GPR176: variants seen among roughly 807,000 people sequenced by gnomAD.
GPR176 encodes G-protein coupled receptor 176.
In GPR176, 26 loss-of-function variants were observed where a neutral mutation model predicts 35.4. The ratio of observed to expected loss-of-function variants is 0.74; its 90% CI spans 0.54 to 1.02. The LOEUF (loss-of-function observed/expected upper bound fraction) is 1.02. GPR176 is among the 50% of genes least tolerant of loss of function. GPR176 has a pLI of 0.00. For missense variants in GPR176, 597 were observed against 665.3 expected, an observed-to-expected ratio of 0.90 and a Z score of 1.13; for synonymous variants, 278 against 271.3, an observed-to-expected ratio of 1.02 and a Z score of -0.24.
intron 1 of GPR176, chr15:39,829,100 A>C (rs1900886286): frequency 7.3e-6 from 9 of 1,233,104 alleles, no homozygotes; most frequent in Non-Finnish European, 1.0e-5. Context: ...TAGAAATAAG[A>C]AGCAGTGGAG....
chr15:39,867,279 C>T lies in GPR176; in HGVS notation c.172+52576G>A, dbSNP rs145866242. On this transcript the variant is annotated intron_variant, in intron 1 of 2. Coordinates refer to ENST00000561100, the MANE Select transcript of GPR176 (RefSeq NM_007223.3). ...GCCAACTGACTCTACCACCATGATG[C>T]TGTGTCCAGTTTAAGGACTCTGCTA... is the stretch of plus-strand genomic sequence containing the variant. Among the ~76,000 whole-genome samples, 1,135 of 152,324 alleles carry T rather than the reference C, an allele frequency of 7.5e-3. 19 individuals carry two copies. Among genetic ancestry groups the T allele is most frequent in the African/African-American group, 0.026 (1,081 of 41,568 alleles).
At chr15:39,806,948 T>C in intron 2 of GPR176, 58 bp downstream of exon 2, 1 of 1,497,788 alleles carries the variant, frequency 6.7e-7, no homozygotes, top group South Asian at 1.3e-5. Context: ...TGCTTCATGA[T>C]GCTAATTTTT....
intron 1 of GPR176, among the ~76,000 whole-genome samples, chr15:39,868,787 G>GCT (rs923547028): frequency 1.3e-5 from 2 of 152,094 alleles, no homozygotes; most frequent in African/African-American, 4.8e-5. Flanking sequence ...TTGTGCAGGG[G>GCT]CTACCTGGAC....
At chr15:39,869,020 T>A (rs1242813155) in intron 1 of GPR176, among the ~76,000 whole-genome samples, 7 of 148,734 alleles carry the variant, frequency 4.7e-5, no homozygotes, top group South Asian at 2.1e-4. Flanking sequence ...AAAAAAAAAA[T>A]TCCCCCAAAT....
chr15:39,867,812 A>G (rs146970554), intron 1 of GPR176, among the ~76,000 whole-genome samples: 1 of 152,246 alleles, frequency 6.6e-6, no homozygotes, highest in East Asian at 1.9e-4. Context: ...GGCCCAGAGT[A>G]TCCCGACCAC....
chr15:39,904,038 T>C (rs190935560), intron 1 of GPR176, among the ~76,000 whole-genome samples: 3 of 152,322 alleles, frequency 2.0e-5, no homozygotes, highest in Admixed American at 2.0e-4. Flanking sequence ...AGACCACATA[T>C]GGTAACTTCC....
intron 2 of GPR176, among the ~76,000 whole-genome samples, chr15:39,802,936 G>A (rs1302556855): frequency 3.3e-5 from 5 of 152,188 alleles, no homozygotes; most frequent in Non-Finnish European, 1.5e-5. Context: ...GGTCTAAAAT[G>A]CCTGCACAAT....
intron 1 of GPR176, among the ~76,000 whole-genome samples, chr15:39,809,548 C>T (rs1170749554): frequency 6.6e-6 from 1 of 152,200 alleles, no homozygotes; most frequent in African/African-American, 2.4e-5. Flanking sequence ...AAATTTTCAA[C>T]CTCTATATAC....
At chr15:39,864,720 T>A (rs2031755823) in intron 1 of GPR176, among the ~76,000 whole-genome samples, 1 of 152,044 alleles carries the variant, frequency 6.6e-6, no homozygotes, top group Non-Finnish European at 1.5e-5. Flanking sequence ...AAAAAGCTTC[T>A]GTACAGCAAA....
At chr15:39,837,461 A>G (rs1345185874) in intron 1 of GPR176, among the ~76,000 whole-genome samples, 1 of 152,068 alleles carries the variant, frequency 6.6e-6, no homozygotes, top group Non-Finnish European at 1.5e-5. Context: ...TACGTGGTAA[A>G]TCCTATTTAA....
intron 1 of GPR176, chr15:39,909,999 T>C (rs2033533306): frequency 5.5e-6 from 2 of 366,950 alleles, no homozygotes; most frequent in African/African-American, 4.4e-5. Context: ...GGAGGATCTG[T>C]TGTCTGCAAC....
In GPR176 at chr15:39,807,212, T is replaced by C; in HGVS notation, c.219A>G (p.Lys73=). 1 of 1,612,892 alleles carries C rather than the reference T, an allele frequency of 6.2e-7. No homozygotes were observed. Among genetic ancestry groups the C allele is most frequent in the Non-Finnish European group, 8.5e-7 (1 of 1,179,448 alleles). ...TTTTAATGAACCTGTTGGTGACAGA[T>C]TTGAACACGGTTGTGCGGCAAGTTG... The part of the protein sequence containing the change: ...LWSTCRTTVF[K]SVTNRFIKNL... The change falls in exon 2 of 3, where the codon AAA becomes AAG. Residue 73 remains lysine (K), a synonymous_variant. Transcript: ENST00000561100.
At chr15:39,884,573 A>G in intron 1 of GPR176, among the ~76,000 whole-genome samples, 1 of 152,114 alleles carries the variant, frequency 6.6e-6, no homozygotes, top group African/African-American at 2.4e-5. Context: ...AAGGACCTAG[A>G]CTTCTAATTT....
chr15:39,807,159 CTGGCA>C lies in GPR176; in HGVS notation c.267_271del (p.Cys89TrpfsTer66). 1.2e-6 allele frequency: 2 copies of C among 1,613,918 alleles called. No homozygotes were observed. Among genetic ancestry groups the C allele is most frequent in the Non-Finnish European group, 1.7e-6 (2 of 1,179,866 alleles). On this transcript the variant is annotated frameshift_variant, in exon 2 of 3. Coordinates refer to ENST00000561100, the MANE Select transcript of GPR176 (RefSeq NM_007223.3). LOFTEE classifies it high-confidence loss of function. ...GATGTCGAAGGGCACACAGACCAGG[CTGGCA>C]CAAATCCCCGAGCAGGCCAGGTTTT...
At chr15:39,877,137 T>G (rs2032279051) in intron 1 of GPR176, among the ~76,000 whole-genome samples, 2 of 152,162 alleles carry the variant, frequency 1.3e-5, no homozygotes, top group Admixed American at 1.3e-4. Context: ...CCTAAAAAAA[T>G]CCATGTTGGT....
chr15:39,832,978 G>A (rs1003582945), intron 1 of GPR176, among the ~76,000 whole-genome samples: 12 of 152,148 alleles, frequency 7.9e-5, no homozygotes, highest in Admixed American at 2.0e-4. Flanking sequence ...GTATTTTAAG[G>A]TGAGTTGATT....
At position 39,801,140 on chromosome 15, in the gene GPR176, C is replaced by A. The variant is rs1566931854; in HGVS notation, c.1540G>T (p.Asp514Tyr). Reference protein sequence around the residue: ...NNKVSIFPKVDS With the variant: ...NNKVSIFPKVYS The stretch of plus-strand genomic sequence containing the variant: ...AGAATTTACAATCCTTGCTAGGAAT[C>A]CACCTTTGGAAAAATGCTCACTTTA... Residue 514 changes from aspartate to tyrosine, a missense_variant, in exon 3 of 3, where the codon GAT becomes TAT. By Grantham distance (160) the Asp-to-Tyr change is radical. Around this residue, in one of 3 missense-constraint regions of GPR176, gnomAD observed 251 missense variants for 255.4 expected, o/e 0.98. Coordinates refer to ENST00000561100, the MANE Select transcript of GPR176 (RefSeq NM_007223.3). The A allele has an allele frequency of 1.3e-6, 2 of 1,596,908 alleles. No individual in the cohort carries two copies. The highest frequency in any genetic ancestry group is 1.1e-5 in the South Asian group (1 of 88,648).
chr15:39,866,256 G>T (rs2140834040), intron 1 of GPR176, among the ~76,000 whole-genome samples: 1 of 152,224 alleles, frequency 6.6e-6, no homozygotes, highest in African/African-American at 2.4e-5. Context: ...GGATGCTGTG[G>T]AAAGGACAGG....
rs1462424771 is a variant in GPR176 at position 39,829,150 on chromosome 15, G to A, written c.173-21892C>T. ...GAAGCAGTTGAACTCCAGAGCCTGG[G>A]ATGTGATCACTACGTCACACTGCCT... is the stretch of plus-strand genomic sequence containing the variant. On this transcript the variant is annotated intron_variant, in intron 1 of 2. Coordinates refer to ENST00000561100, the MANE Select transcript of GPR176 (RefSeq NM_007223.3). 11 of 1,523,678 alleles carry A rather than the reference G, an allele frequency of 7.2e-6. No homozygotes were observed. The Middle Eastern group carries it at 5.0e-4, about 70-fold the overall frequency. The allele number at this position is 1,523,678 out of a possible 1,614,324, so 94.4% of individuals were successfully genotyped here.
Sources: gnomAD v4.1 joint callset for allele counts (sites outside exome capture counted in the v4.1 genomes callset) on GRCh38, gnomAD v4.1.1 for gene constraint, gnomAD v4.1.1 regional missense constraint, MANE v1.5 for transcripts, NCBI Gene and HGNC (gene_info 2026-07-23, HGNC 2026-07-21) for gene names.